The following ITGB3 variants were observed in gnomAD, a reference collection of about 807,000 sequenced individuals.
The protein encoded by ITGB3 is integrin beta-3.
Under a neutral mutation model 85.8 loss-of-function variants are expected in ITGB3, and 48 were observed. The ratio of observed to expected loss-of-function variants is 0.56; its 90% CI spans 0.44 to 0.71. The LOEUF (loss-of-function observed/expected upper bound fraction) is 0.71. Among genes scored for constraint, ITGB3 ranks in the 30% least tolerant of loss-of-function variants. ITGB3 has a pLI of 0.00. For synonymous variants in ITGB3, 363 were observed against 395.6 expected (o/e 0.92, Z 0.98); for missense variants, 861 against 1,019.1 (o/e 0.84, Z 2.11).
At chr17:47,303,735 G>A (rs1432218875) in intron 13 of ITGB3, 2 of 152,232 alleles carry the variant, frequency 1.3e-5, no homozygotes, top group Non-Finnish European at 2.9e-5. Flanking sequence ...ACCAACCAAT[G>A]CTGTCGATCG....
chr17:47,256,570 G>C (rs1317219532), intron 1 of ITGB3, among the ~76,000 whole-genome samples: 1 of 152,116 alleles, frequency 6.6e-6, no homozygotes, highest in Admixed American at 6.6e-5. Flanking sequence ...GAAGCAGATG[G>C]TGGGATGAGA....
intron 9 of ITGB3, among the ~76,000 whole-genome samples, chr17:47,291,879 A>G (rs1303362430): frequency 1.6e-4 from 24 of 152,176 alleles, no homozygotes; most frequent in Admixed American, 1.6e-3. Flanking sequence ...GGAGTGAAAA[A>G]ACAGCCTTTT....
At chr17:47,298,400 C>T (rs2065153699) in intron 10 of ITGB3, among the ~76,000 whole-genome samples, 1 of 152,172 alleles carries the variant, frequency 6.6e-6, no homozygotes, top group African/African-American at 2.4e-5. Context: ...TATTTGTTCT[C>T]TCTGCTTACT....
intron 1 of ITGB3, among the ~76,000 whole-genome samples, chr17:47,272,680 T>TCTTTC (rs60609897): frequency 3.5e-5 from 5 of 143,508 alleles, no homozygotes; most frequent in African/African-American, 5.4e-5. Context: ...TTTCTTTCTT[T>TCTTTC]TTTTTTCTTT....
At chr17:47,287,685 G>C (rs1286100826) in intron 6 of ITGB3, among the ~76,000 whole-genome samples, 2 of 152,130 alleles carry the variant, frequency 1.3e-5, no homozygotes, top group Non-Finnish European at 2.9e-5. Context: ...GAGGTGGGAG[G>C]ATCACGTGAG....
chr17:47,288,396 G>A (rs2065112460), intron 6 of ITGB3, among the ~76,000 whole-genome samples: 1 of 152,168 alleles, frequency 6.6e-6, no homozygotes, highest in African/African-American at 2.4e-5. Flanking sequence ...GCCATAGAAG[G>A]TTAAACAAGA....
intron 2 of ITGB3, 101 bp from the exon 3 acceptor site, chr17:47,283,253 G>A (rs535312221): frequency 4.9e-4 from 530 of 1,084,202 alleles, no homozygotes; most frequent in Non-Finnish European, 6.5e-4. Flanking sequence ...TCCAATGTAC[G>A]GGGTAAACTC....
intron 13 of ITGB3, 34 bp from the exon 14 acceptor site, chr17:47,307,437 C>T (rs2065192680): frequency 6.2e-7 from 1 of 1,612,842 alleles, no homozygotes; most frequent in Non-Finnish European, 8.5e-7. Flanking sequence ...CTGCTTCATT[C>T]ACAACCGCCC....
intron 1 of ITGB3, among the ~76,000 whole-genome samples, chr17:47,266,400 A>T (rs1456804213): frequency 6.6e-6 from 1 of 152,078 alleles, no homozygotes; most frequent in Non-Finnish European, 1.5e-5. Flanking sequence ...GCCCCCATTG[A>T]CGCATTATGA....
intron 6 of ITGB3, among the ~76,000 whole-genome samples, chr17:47,288,641 C>T (rs1049112289): frequency 1.3e-5 from 2 of 152,094 alleles, no homozygotes; most frequent in African/African-American, 2.4e-5. Context: ...GATTCACCAC[C>T]GCCCCCGCAC....
chr17:47,268,221 G>T (rs1026235930), intron 1 of ITGB3, among the ~76,000 whole-genome samples: 4 of 152,068 alleles, frequency 2.6e-5, no homozygotes, highest in Non-Finnish European at 5.9e-5. Flanking sequence ...GATTTGGGGG[G>T]TGGGGCACAC....
chr17:47,283,357 C>T lies in ITGB3; in HGVS notation c.169C>T (p.Leu57=), dbSNP rs773016947. ...TCTTTGGGCTCCTGTCTTACAGGCC[C>T]TGCCTCTGGGCTCACCTCGCTGTGA... ...PMCAWCSDEA[L]PLGSPRCDLK... Residue 57 remains leucine (L), a synonymous_variant, in exon 3 of 15, where the codon CTG becomes TTG. Coordinates refer to ENST00000559488, the MANE Select transcript of ITGB3 (RefSeq NM_000212.3). 6.2e-7 allele frequency: 1 copy of T among 1,614,228 alleles called. No homozygotes were observed. The highest frequency in any genetic ancestry group is 8.5e-7 in the Non-Finnish European group (1 of 1,180,034).
chr17:47,299,454 G>A lies in ITGB3; in HGVS notation c.1837G>A (p.Val613Ile). The A allele has an allele frequency of 6.2e-7, 1 of 1,614,270 alleles. No homozygotes were observed. Among genetic ancestry groups the A allele is most frequent in the Non-Finnish European group, 8.5e-7 (1 of 1,180,054 alleles). Reference protein sequence around the residue: ...GRGKCECGSCVCIQPGSYGDT... With the variant: ...GRGKCECGSCICIQPGSYGDT... ...CGGCAAGTGTGAATGTGGCAGCTGT[G>A]TCTGTATCCAGCCGGGCTCCTATGG... is the stretch of plus-strand genomic sequence containing the variant. The change falls in exon 11 of 15, where the codon GTC becomes ATC. Residue 613 changes from valine to isoleucine, a missense_variant. Val to Ile is a conservative substitution (Grantham distance 29, BLOSUM62 3). Transcript: ENST00000559488. This position sits in a 1 kb window ranked among gnomAD's most constrained non-coding sequence, Gnocchi z 5.1.
At chr17:47,254,628 G>A (rs966562541) in intron 1 of ITGB3, among the ~76,000 whole-genome samples, 5 of 152,106 alleles carry the variant, frequency 3.3e-5, no homozygotes, top group Non-Finnish European at 5.9e-5. Flanking sequence ...TAGTGTATTC[G>A]GGGAGCCATG....
At chr17:47,303,581 G>C (rs1220993647) in intron 13 of ITGB3, 1 of 152,496 alleles carries the variant, frequency 6.6e-6, no homozygotes, top group African/African-American at 2.4e-5. Flanking sequence ...GATGGTTAGA[G>C]GTGTTACCTT....
Position 47,289,767 on chromosome 17 carries a change from T to C in ITGB3, c.1026T>C (p.Asn342=). The change falls in exon 7 of 15, where the codon AAT becomes AAC. Residue 342 remains asparagine, a synonymous_variant. Transcript: ENST00000559488. ...TTGCAGTGACTGAAAATGTAGTCAA[T>C]CTCTATCAGGTGACTGTGCCTTCGG... ...LIFAVTENVV[N]LYQNYSELIP... The C allele has an allele frequency of 6.2e-7, 1 of 1,612,678 alleles. No homozygotes were observed. Among genetic ancestry groups the C allele is most frequent in the Non-Finnish European group, 8.5e-7 (1 of 1,178,668 alleles).
At chr17:47,260,339 TC>T (rs5820649) in intron 1 of ITGB3, among the ~76,000 whole-genome samples, 152,240 of 152,240 alleles carry the variant, frequency 1, 76,120 homozygotes, top group Non-Finnish European at 1. Flanking sequence ...TCCTGCCCCT[TC>T]CCCACCACCT....
At chr17:47,302,870 GC>G (rs747389293) in intron 13 of ITGB3, 30 bp downstream of exon 13, 3 of 1,613,590 alleles carry the variant, frequency 1.9e-6, no homozygotes, top group Non-Finnish European at 2.5e-6. Flanking sequence ...TCCCGGCCCT[GC>G]CCCAGGAGGG....
At chr17:47,309,889 C>T (rs2065206238) in intron 14 of ITGB3, among the ~76,000 whole-genome samples, 1 of 128,850 alleles carries the variant, frequency 7.8e-6, no homozygotes, top group Non-Finnish European at 1.6e-5. Context: ...AAATGAGACC[C>T]TGTCTGAAAA....
Sources: gnomAD v4.1 joint callset for allele counts (sites outside exome capture counted in the v4.1 genomes callset) on GRCh38, gnomAD v4.1.1 for gene constraint, Gnocchi (gnomAD v3.1) non-coding constraint, MANE v1.5 for transcripts, NCBI Gene and HGNC (gene_info 2026-07-23, HGNC 2026-07-21) for gene names.